Variants in ELK3 observed in about 807,000 individuals in gnomAD.
ELK3 encodes the protein ETS transcription factor ELK3, also known as ETS domain-containing protein Elk-3.
Under a neutral mutation model 28.9 loss-of-function variants are expected in ELK3, and 10 were observed. The ratio of observed to expected loss-of-function variants is 0.35; its 90% CI spans 0.21 to 0.59. The LOEUF is 0.59. Among genes scored for constraint, ELK3 ranks in the 20% least tolerant of loss-of-function variants. The pLI is 0.82. For synonymous variants in ELK3, 272 were observed against 243.5 expected (o/e 1.12, Z -1.09); for missense variants, 463 against 517.3 (o/e 0.90, Z 1.02).
At chr12:96,225,673 C>T (rs1183413490) in intron 2 of ELK3, among the ~76,000 whole-genome samples, 1 of 152,214 alleles carries the variant, frequency 6.6e-6, no homozygotes, top group African/African-American at 2.4e-5. Context: ...CAGTGAGCAG[C>T]AGAGCCCGGA....
intron 1 of ELK3, among the ~76,000 whole-genome samples, chr12:96,219,724 T>C (rs1360771657): frequency 6.6e-6 from 1 of 152,158 alleles, no homozygotes; most frequent in African/African-American, 2.4e-5. Flanking sequence ...CAGAGTGACT[T>C]CTGAGCGTAG....
In ELK3 at chr12:96,267,390, T is replaced by C; in HGVS notation, c.*210T>C. 1 of 442,454 alleles carries C rather than the reference T, an allele frequency of 2.3e-6. No individual in the cohort carries two copies. The highest frequency in any genetic ancestry group is 4.0e-6 in the Non-Finnish European group (1 of 247,912). 27.4% of individuals were successfully genotyped at this position (442,454 alleles called of 1,614,324 possible). On this transcript the variant is annotated 3_prime_UTR_variant, in exon 5 of 5. Coordinates refer to ENST00000228741, the MANE Select transcript of ELK3 (RefSeq NM_005230.4). ...ATATGAAAATCTGTTTGGCATTAAG[T>C]GAATTTTAATGTTTTTGTTTTTATA...
intron 2 of ELK3, among the ~76,000 whole-genome samples, chr12:96,228,442 A>AAAAAAAAAAAAAAAAAAAAAAAAAG (rs761298726): frequency 3.5e-5 from 5 of 142,646 alleles, no homozygotes; most frequent in Admixed American, 1.5e-4. Flanking sequence ...AAAAAAAAAA[A>AAAAAAAAAAAAAAAAAAAAAAAAAG]AAGAAGATCA....
chr12:96,217,435 C>T (rs1951626341), intron 1 of ELK3, among the ~76,000 whole-genome samples: 1 of 152,202 alleles, frequency 6.6e-6, no homozygotes, highest in Admixed American at 6.5e-5. Context: ...CATTGACTCC[C>T]ACCCCTAGTT....
At chr12:96,206,947 T>C (rs1172001012) in intron 1 of ELK3, among the ~76,000 whole-genome samples, 1 of 152,252 alleles carries the variant, frequency 6.6e-6, no homozygotes, top group Non-Finnish European at 1.5e-5. Flanking sequence ...TGCTCATTTA[T>C]TCAGTGCATC....
At chr12:96,220,536 G>A (rs895426783) in intron 1 of ELK3, among the ~76,000 whole-genome samples, 9 of 151,770 alleles carry the variant, frequency 5.9e-5, no homozygotes, top group African/African-American at 2.2e-4. Flanking sequence ...TATAAGCGCG[G>A]GCCACCACGC....
intron 1 of ELK3, among the ~76,000 whole-genome samples, chr12:96,210,597 A>ACACACACACACCCCC (rs1416746905): frequency 6.0e-5 from 9 of 148,956 alleles, no homozygotes; most frequent in African/African-American, 2.2e-4. Flanking sequence ...ACACACACAC[A>ACACACACACACCCCC]CCCCGAGTGG....
chr12:96,211,486 TTTGTGTGTGTGTGTGTGTGTGTGTGTG>T (rs1261090081), intron 1 of ELK3, among the ~76,000 whole-genome samples: 12 of 133,322 alleles, frequency 9.0e-5, no homozygotes, highest in African/African-American at 3.6e-4. Context: ...TCATTGTGTG[TTTGTGTGTGTGTGTGTGTGTGTGTGTG>T]TGTGTGTGTG....
chr12:96,206,465 C>T (rs979860755), intron 1 of ELK3, among the ~76,000 whole-genome samples: 11 of 151,974 alleles, frequency 7.2e-5, no homozygotes, highest in Non-Finnish European at 1.5e-4. Context: ...TATAGGTGTG[C>T]GCCACCATGC....
chr12:96,231,830 T>C lies in ELK3; in HGVS notation c.207+8057T>C, dbSNP rs74915692. On this transcript the variant is annotated intron_variant, in intron 2 of 4. Transcript: ENST00000228741. ...CACCTCCAGTTGACACGGCCTCTTC[T>C]TTCACCTCTGCCTTTTCCTCAGCCA... 2.6e-5 allele frequency among the ~76,000 whole-genome samples: 4 copies of C among 152,294 alleles called. No homozygotes were observed. In the East Asian group the frequency reaches 7.7e-4, roughly 29 times the overall value.
At chr12:96,235,562 A>T in intron 2 of ELK3, among the ~76,000 whole-genome samples, 1 of 152,122 alleles carries the variant, frequency 6.6e-6, no homozygotes, top group African/African-American at 2.4e-5. Context: ...GATCCAAGAA[A>T]GCGTCTTGCC....
chr12:96,206,843 C>G (rs1951541295), intron 1 of ELK3, among the ~76,000 whole-genome samples: 1 of 152,198 alleles, frequency 6.6e-6, no homozygotes, highest in Admixed American at 6.5e-5. Flanking sequence ...TCTCTTCCAT[C>G]AGATGCTTTT....
chr12:96,267,808 C>T lies in ELK3; in HGVS notation c.*628C>T, dbSNP rs1952048912. ...AGTAATGTTTTTATAATAAACTAAG[C>T]CATATTTAGACAATAAACATTGATA... On this transcript the variant is annotated 3_prime_UTR_variant, in exon 5 of 5. Transcript: ENST00000228741. 6.8e-6 allele frequency: 1 copy of T among 146,148 alleles called. No individual in the cohort carries two copies. The highest frequency in any genetic ancestry group is 7.1e-5 in the Admixed American group (1 of 14,144). The allele number at this position is 146,148 out of a possible 1,614,324, so 9.1% of individuals were successfully genotyped here. A position where few individuals can be genotyped will look rare whatever the true frequency, so the allele number is the denominator to read the frequency against.
intron 2 of ELK3, among the ~76,000 whole-genome samples, chr12:96,234,066 G>T (rs1951762374): frequency 6.6e-6 from 1 of 152,220 alleles, no homozygotes; most frequent in Non-Finnish European, 1.5e-5. Context: ...CCTCATGGAG[G>T]TCTTCCAATC....
At chr12:96,222,889 A>G (rs1354151854) in intron 1 of ELK3, 1 of 154,200 alleles carries the variant, frequency 6.5e-6, no homozygotes, top group Non-Finnish European at 1.5e-5. Flanking sequence ...AGGCCTCAGG[A>G]AACCTGCAAT....
intron 1 of ELK3, among the ~76,000 whole-genome samples, chr12:96,209,038 C>A (rs559158205): frequency 1.5e-4 from 23 of 152,208 alleles, no homozygotes; most frequent in Non-Finnish European, 3.2e-4. Flanking sequence ...ACACCTGACC[C>A]CACCTGGGAC....
rs550155088 is a variant in ELK3 at position 96,260,169 on chromosome 12, TGTG to T, written c.1125+317_1125+319del. Among the ~76,000 whole-genome samples the T allele has an allele frequency of 1.6e-3, 249 of 152,274 alleles. 1 individual carries two copies. Among genetic ancestry groups the T allele is most frequent in the Middle Eastern group, 6.8e-3 (2 of 294 alleles). ...CTTTAAGAATTATTCTTTAGGCCAG[TGTG>T]ATGGCTCACACCTGTAATCCCAGCA... On this transcript the variant is annotated intron_variant, in intron 4 of 4. Coordinates refer to ENST00000228741, the MANE Select transcript of ELK3 (RefSeq NM_005230.4).
intron 2 of ELK3, among the ~76,000 whole-genome samples, chr12:96,238,071 G>A (rs935213055): frequency 2.0e-5 from 3 of 152,224 alleles, no homozygotes; most frequent in African/African-American, 7.2e-5. Flanking sequence ...AGCGTTGTGA[G>A]GCTAACATGA....
Position 96,206,542 on chromosome 12 carries a change from T to C in ELK3, c.-3+11837T>C, listed in dbSNP as rs1171484160. ...TGGTCTTGAACACCTCACCTCGTGA[T>C]CTGCCTGCCTTGGCCTCCCAAAGTG... On this transcript the variant is annotated intron_variant, in intron 1 of 4. Transcript: ENST00000228741. Among the ~76,000 whole-genome samples the C allele has an allele frequency of 2.0e-5, 3 of 152,288 alleles. No individual in the cohort carries two copies. The South Asian group carries it at 6.2e-4, about 32-fold the overall frequency.
Sources: gnomAD v4.1 joint callset for allele counts (sites outside exome capture counted in the v4.1 genomes callset) on GRCh38, gnomAD v4.1.1 for gene constraint, MANE v1.5 for transcripts, NCBI Gene and HGNC (gene_info 2026-07-23, HGNC 2026-07-21) for gene names.